The following MSL2 variants were observed in gnomAD, a reference collection of about 807,000 sequenced individuals.
MSL2 encodes MSL complex subunit 2.
Under a neutral mutation model 35.8 loss-of-function variants are expected in MSL2, and 2 were observed. The observed-to-expected ratio is 0.06, with a 90% CI of 0.02 to 0.18. The LOEUF is 0.18. Among genes scored for constraint, MSL2 ranks in the 10% least tolerant of loss-of-function variants. The pLI is 1.00. For missense variants in MSL2, 523 were observed against 706.7 expected (o/e 0.74, Z 2.95); for synonymous variants, 296 against 255.7 (o/e 1.16, Z -1.50).
chr3:136,191,943 T>C (rs1221809742), intron 1 of MSL2, among the ~76,000 whole-genome samples: 1 of 152,184 alleles, frequency 6.6e-6, no homozygotes, highest in Non-Finnish European at 1.5e-5. Flanking sequence ...GCTTTTTCCC[T>C]CCCTCACCTC....
Position 136,195,623 on chromosome 3 carries a change from G to A in MSL2, c.-510C>T. 1.0e-6 allele frequency: 1 copy of A among 980,654 alleles called. No individual in the cohort carries two copies. The highest frequency in any genetic ancestry group is 5.3e-4 in the Middle Eastern group (1 of 1,900). 60.7% of individuals were successfully genotyped at this position (980,654 alleles called of 1,614,324 possible). On this transcript the variant is annotated 5_prime_UTR_variant, in exon 1 of 2. Transcript: ENST00000309993. Reference sequence around the variant, plus strand: ...GCGCGGAGGCGGCGGCGACGGCAAGGACGACGGTCGGGCAGCGGCTTCCCG... The same window carrying A: ...GCGCGGAGGCGGCGGCGACGGCAAGAACGACGGTCGGGCAGCGGCTTCCCG...
In MSL2 at chr3:136,194,980, C is replaced by A. The variant is rs1228124537; in HGVS notation, c.134G>T (p.Cys45Phe). 1.9e-6 allele frequency: 3 copies of A among 1,613,692 alleles called. No homozygotes were observed. Among genetic ancestry groups the A allele is most frequent in the Non-Finnish European group, 2.5e-6 (3 of 1,179,978 alleles). The change falls in exon 1 of 2, where the codon TGT (cysteine) becomes TTT (phenylalanine). Residue 45 changes from cysteine to phenylalanine, a missense_variant. Transcript: ENST00000309993. ...AATAAAAAGCGTCTCACCGCAAACA[C>A]AGCACGAAAGGGACTGTCGGAAGTA... ...LPYFRQSLSC[C>F]VCGHLLQDPI...
chr3:136,162,088 G>A (rs545761860), intron 1 of MSL2, among the ~76,000 whole-genome samples: 2 of 151,674 alleles, frequency 1.3e-5, no homozygotes, highest in East Asian at 2.0e-4. Flanking sequence ...ACAGGTGCCC[G>A]CCACCACGCC....
chr3:136,194,578 G>C, intron 1 of MSL2: 1 of 346,330 alleles, frequency 2.9e-6, no homozygotes, highest in Non-Finnish European at 4.2e-6. Context: ...CACGCCACAT[G>C]TGCCCACATG....
At chr3:136,192,582 A>AT (rs1156818015) in intron 1 of MSL2, among the ~76,000 whole-genome samples, 5 of 150,882 alleles carry the variant, frequency 3.3e-5, no homozygotes, top group African/African-American at 9.9e-5. Flanking sequence ...GAAAGCAAAG[A>AT]TAAAAAAAAA....
intron 1 of MSL2, among the ~76,000 whole-genome samples, chr3:136,176,129 T>C (rs1424270899): frequency 6.6e-6 from 1 of 152,198 alleles, no homozygotes; most frequent in East Asian, 1.9e-4. Flanking sequence ...TGGTGCAAAT[T>C]AATCAACAGT....
intron 1 of MSL2, among the ~76,000 whole-genome samples, chr3:136,181,724 G>C (rs1037926485): frequency 1.3e-5 from 2 of 151,884 alleles, no homozygotes; most frequent in African/African-American, 4.8e-5. Flanking sequence ...TTGAAGACCA[G>C]CCTGGCCAAC....
At chr3:136,186,738 T>C (rs1940534747) in intron 1 of MSL2, among the ~76,000 whole-genome samples, 1 of 152,136 alleles carries the variant, frequency 6.6e-6, no homozygotes, top group Admixed American at 6.5e-5. Flanking sequence ...TATAGTGAAC[T>C]CTATAATTAT....
At chr3:136,166,835 GT>G (rs1438902174) in intron 1 of MSL2, among the ~76,000 whole-genome samples, 1 of 152,174 alleles carries the variant, frequency 6.6e-6, no homozygotes, top group African/African-American at 2.4e-5. Flanking sequence ...GTTGATCCCA[GT>G]TTTCAATAAA....
chr3:136,182,859 C>CA (rs1292215910), intron 1 of MSL2, among the ~76,000 whole-genome samples: 2 of 152,190 alleles, frequency 1.3e-5, no homozygotes, highest in African/African-American at 2.4e-5. Flanking sequence ...CCCCACAACT[C>CA]ACAGAAGTAG....
At chr3:136,173,726 T>A (rs2108078799) in intron 1 of MSL2, among the ~76,000 whole-genome samples, 1 of 152,318 alleles carries the variant, frequency 6.6e-6, no homozygotes, top group East Asian at 1.9e-4. Context: ...AAAACACAAG[T>A]CTGATTACAT....
intron 1 of MSL2, among the ~76,000 whole-genome samples, chr3:136,176,286 G>A (rs1940170034): frequency 6.6e-6 from 1 of 152,120 alleles, no homozygotes; most frequent in South Asian, 2.1e-4. Flanking sequence ...AGCCACGGCA[G>A]GTGGATTGCT....
chr3:136,153,178 G>T, intron 1 of MSL2: 1 of 510,506 alleles, frequency 2.0e-6, no homozygotes, highest in Non-Finnish European at 2.5e-6. Context: ...AGGCTACGGT[G>T]AACTATGATC....
chr3:136,156,018 A>T (rs1222915687), intron 1 of MSL2: 2 of 328,068 alleles, frequency 6.1e-6, no homozygotes, highest in Admixed American at 3.6e-5. Flanking sequence ...TCCTTATAGT[A>T]CCAACTACTT....
chr3:136,156,088 T>G (rs28519617), intron 1 of MSL2: 55,374 of 263,720 alleles, frequency 0.21, 6,742 homozygotes, highest in Non-Finnish European at 0.26. Flanking sequence ...AAATCAGCTA[T>G]ATCTCCACTG....
At chr3:136,159,662 G>A (rs1308645943) in intron 1 of MSL2, among the ~76,000 whole-genome samples, 1 of 151,582 alleles carries the variant, frequency 6.6e-6, no homozygotes, top group African/African-American at 2.4e-5. Context: ...GAGCCACCAC[G>A]CCTGGCCAAG....
At chr3:136,184,934 T>C (rs1007719206) in intron 1 of MSL2, among the ~76,000 whole-genome samples, 1 of 152,080 alleles carries the variant, frequency 6.6e-6, no homozygotes, top group African/African-American at 2.4e-5. Flanking sequence ...TGCCTAAAAA[T>C]TTGGATTTTT....
At chr3:136,163,024 G>A (rs1160839750) in intron 1 of MSL2, among the ~76,000 whole-genome samples, 1 of 151,364 alleles carries the variant, frequency 6.6e-6, no homozygotes, top group African/African-American at 2.4e-5. Context: ...GAGAGAAAAG[G>A]TTACATTAAA....
chr3:136,195,925 G>T lies in MSL2; in HGVS notation c.-812C>A. ...CGGCGGCGCCCCTCGCGCCTCAGTCGCACACTCCGGGGTCACCAGACTCAA... is the reference window on the plus strand; with the variant it reads ...CGGCGGCGCCCCTCGCGCCTCAGTCTCACACTCCGGGGTCACCAGACTCAA... On this transcript the variant is annotated 5_prime_UTR_variant, in exon 1 of 2. Coordinates refer to ENST00000309993, the MANE Select transcript of MSL2 (RefSeq NM_018133.4). 1 of 612,162 alleles carries T rather than the reference G, an allele frequency of 1.6e-6. No individual in the cohort carries two copies. Among genetic ancestry groups the T allele is most frequent in the Non-Finnish European group, 2.0e-6 (1 of 490,624 alleles). The allele number at this position is 612,162 out of a possible 1,614,324, so 37.9% of individuals were successfully genotyped here. A position where few individuals can be genotyped will look rare whatever the true frequency, so the allele number is the denominator to read the frequency against.
Sources: gnomAD v4.1 joint callset for allele counts (sites outside exome capture counted in the v4.1 genomes callset) on GRCh38, gnomAD v4.1.1 for gene constraint, MANE v1.5 for transcripts, NCBI Gene and HGNC (gene_info 2026-07-23, HGNC 2026-07-21) for gene names.